The following PRKCB variants were observed in gnomAD, a reference collection of about 807,000 sequenced individuals.
PRKCB encodes protein kinase C beta, also known as protein kinase C beta type.
Under a neutral mutation model 81.5 loss-of-function variants are expected in PRKCB, and 13 were observed. The observed-to-expected ratio is 0.16, with a 90% CI of 0.10 to 0.25. The LOEUF is 0.25. Among genes scored for constraint, PRKCB ranks in the 10% least tolerant of loss-of-function variants. The pLI, the probability that PRKCB is intolerant of heterozygous loss-of-function variation, is 1.00. For missense variants in PRKCB, 509 were observed against 875.7 expected (o/e 0.58, Z 5.29); for synonymous variants, 335 against 321.4 (o/e 1.04, Z -0.45).
intron 3 of PRKCB, among the ~76,000 whole-genome samples, chr16:24,022,376 T>A (rs1433931652): frequency 6.6e-6 from 1 of 152,154 alleles, no homozygotes; most frequent in Non-Finnish European, 1.5e-5. Flanking sequence ...CTAGAAAGTT[T>A]ATTACTTATC....
At chr16:23,944,262 A>G (rs909105851) in intron 2 of PRKCB, among the ~76,000 whole-genome samples, 4 of 152,156 alleles carry the variant, frequency 2.6e-5, no homozygotes, top group African/African-American at 9.7e-5. Context: ...ATTTGACTCC[A>G]TTGCCTCAAA....
chr16:24,088,899 G>T (rs115830663), intron 5 of PRKCB, among the ~76,000 whole-genome samples: 248 of 152,226 alleles, frequency 1.6e-3, no homozygotes, highest in African/African-American at 5.6e-3. Context: ...TGGGGCGGAG[G>T]AGGGGGAGTG....
chr16:24,185,246 G>T, intron 14 of PRKCB, 55 bp downstream of exon 14: 1 of 1,505,194 alleles, frequency 6.6e-7, no homozygotes, highest in South Asian at 1.1e-5. Flanking sequence ...CCATCCACAT[G>T]GTTTCTTTAG....
chr16:24,116,548 A>C (rs747350911), intron 8 of PRKCB, among the ~76,000 whole-genome samples: 9 of 152,310 alleles, frequency 5.9e-5, no homozygotes, highest in Middle Eastern at 3.4e-3. Flanking sequence ...AGTGGAACAG[A>C]CACATTGGCC....
chr16:23,836,756 A>G lies in PRKCB; in HGVS notation c.173+408A>G, dbSNP rs935066066. 3.8e-4 allele frequency among the ~76,000 whole-genome samples: 41 copies of G among 109,240 alleles called. 1 individual carries two copies. The highest frequency in any genetic ancestry group is 1.3e-3 in the African/African-American group (38 of 28,818). The allele number at this position is 109,240 out of a possible 152,430, so 71.7% of individuals were successfully genotyped here. On this transcript the variant is annotated intron_variant, in intron 1 of 16. Transcript: ENST00000643927. ...CGGGCGCGAGGAGCCCTCGCCCCCCACCCCTTGTTTCCGGGGGGGGCGGCG... is the reference window on the plus strand; with the variant it reads ...CGGGCGCGAGGAGCCCTCGCCCCCCGCCCCTTGTTTCCGGGGGGGGCGGCG...
intron 10 of PRKCB, among the ~76,000 whole-genome samples, chr16:24,163,311 C>A (rs1967293681): frequency 6.6e-6 from 1 of 152,188 alleles, no homozygotes; most frequent in Non-Finnish European, 1.5e-5. Flanking sequence ...AACATGGCAT[C>A]ATTGCCTCCC....
At chr16:23,990,385 G>A (rs1179985313) in intron 3 of PRKCB, among the ~76,000 whole-genome samples, 1 of 151,806 alleles carries the variant, frequency 6.6e-6, no homozygotes. Context: ...GTGAACCTGG[G>A]AGGCAGAGCT....
chr16:23,931,972 T>C (rs1319666794), intron 2 of PRKCB, among the ~76,000 whole-genome samples: 1 of 152,162 alleles, frequency 6.6e-6, no homozygotes, highest in Non-Finnish European at 1.5e-5. Flanking sequence ...GAAAGTCAAA[T>C]AGACATTATA....
intron 5 of PRKCB, among the ~76,000 whole-genome samples, chr16:24,079,533 G>A (rs1274409003): frequency 1.3e-5 from 2 of 152,006 alleles, no homozygotes; most frequent in Non-Finnish European, 2.9e-5. Flanking sequence ...TATATTGAAT[G>A]TCTCCTTCTT....
At chr16:24,146,021 G>C (rs1230449237) in intron 9 of PRKCB, among the ~76,000 whole-genome samples, 2 of 152,174 alleles carry the variant, frequency 1.3e-5, no homozygotes, top group Admixed American at 1.3e-4. Context: ...ATAAGAAGAG[G>C]GATATTTGGA....
intron 4 of PRKCB, among the ~76,000 whole-genome samples, chr16:24,034,234 G>T (rs576563426): frequency 1.3e-5 from 2 of 152,296 alleles, no homozygotes; most frequent in South Asian, 4.1e-4. Flanking sequence ...GGTCCCAGAG[G>T]GCTCTCCCTT....
In PRKCB at chr16:24,096,665, AAATATATATATATATATATAT is replaced by A. The variant is rs1404650257; in HGVS notation, c.821+2370_821+2390del. 9.2e-3 allele frequency among the ~76,000 whole-genome samples: 363 copies of A among 39,298 alleles called. 9 individuals carry two copies. Among genetic ancestry groups the A allele is most frequent in the Middle Eastern group, 0.031 (2 of 64 alleles). The allele number at this position is 39,298 out of a possible 152,430, so 25.8% of individuals were successfully genotyped here. A position where few individuals can be genotyped will look rare whatever the true frequency, so the allele number is the denominator to read the frequency against. ...CCCTTCCTATGGCAAAAAAAAAAAA[AAATATATATATATATATATAT>A]ATATATATATATATATATATCCTCC... On this transcript the variant is annotated intron_variant, in intron 7 of 16. Coordinates refer to ENST00000643927, the MANE Select transcript of PRKCB (RefSeq NM_002738.7).
At chr16:24,206,338 G>A (rs76329323) in intron 16 of PRKCB, among the ~76,000 whole-genome samples, 1,874 of 152,290 alleles carry the variant, frequency 0.012, 35 homozygotes, top group African/African-American at 0.043. Context: ...ATGTGCACAT[G>A]TGAAAAAGAA....
Position 24,214,802 on chromosome 16 carries a change from G to A in PRKCB, c.2008G>A (p.Glu670Lys), listed in dbSNP as rs775118763. 4.3e-6 allele frequency: 7 copies of A among 1,613,986 alleles called. No homozygotes were observed. The highest frequency in any genetic ancestry group is 2.2e-5 in the East Asian group (1 of 44,878). Residue 670 changes from glutamate (E) to lysine (K), a missense_variant, in exon 17 of 17, where the codon GAA (glutamate) becomes AAA (lysine). By Grantham distance (56) the Glu-to-Lys change is moderately conservative. Transcript: ENST00000643927. Reference protein sequence around the residue: ...SFVNSEFLKPEVKS With the variant: ...SFVNSEFLKPKVKS The stretch of plus-strand genomic sequence containing the variant: ...TGTTAACTCTGAATTTTTAAAACCC[G>A]AAGTCAAGAGCTAAGTAGATGTGTA...
At chr16:24,153,620 C>A (rs1184878898) in intron 9 of PRKCB, among the ~76,000 whole-genome samples, 1 of 152,102 alleles carries the variant, frequency 6.6e-6, no homozygotes, top group Non-Finnish European at 1.5e-5. Context: ...TAATCACAAC[C>A]AAAGAATGTT....
Position 24,035,354 on chromosome 16 carries a change from G to A in PRKCB, c.401-65G>A, listed in dbSNP as rs916077774. ...GGAAGGGCTCAGCGGTCTTGGGTGG[G>A]GCAGATGTCTGCAGCCCCCAGCCTG... On this transcript the variant is annotated intron_variant, in intron 4 of 16. Transcript: ENST00000643927. 5.7e-6 allele frequency: 9 copies of A among 1,576,016 alleles called. No individual in the cohort carries two copies. In the African/African-American group the frequency reaches 9.4e-5, roughly 17 times the overall value.
intron 3 of PRKCB, among the ~76,000 whole-genome samples, chr16:24,027,735 TTTA>T (rs1965500091): frequency 6.6e-6 from 1 of 152,138 alleles, no homozygotes; most frequent in South Asian, 2.1e-4. Context: ...TTCAGTCAGG[TTTA>T]TTGAGACATA....
intron 2 of PRKCB, among the ~76,000 whole-genome samples, chr16:23,961,380 G>A (rs1184963267): frequency 1.3e-5 from 2 of 152,180 alleles, no homozygotes; most frequent in Non-Finnish European, 2.9e-5. Flanking sequence ...TATGATCAAG[G>A]TGTTCAGCAA....
chr16:24,157,017 C>CTTTG (rs10639064), intron 10 of PRKCB, among the ~76,000 whole-genome samples: 57,213 of 151,732 alleles, frequency 0.38, 11,322 homozygotes, highest in African/African-American at 0.51. Flanking sequence ...ATTGTAGTGT[C>CTTTG]TTTGTGGTTT....
Sources: allele counts gnomAD v4.1 joint callset (sites outside exome capture counted in the v4.1 genomes callset), GRCh38; gene constraint gnomAD v4.1.1; transcripts MANE v1.5; gene names NCBI Gene and HGNC (gene_info 2026-07-23, HGNC 2026-07-21).